FRYL: variants seen among roughly 807,000 people sequenced by gnomAD.
FRYL encodes the protein FRY like transcription coactivator.
FRYL carries 150 observed loss-of-function variants against 351.2 expected under a neutral mutation model. That is an observed-to-expected ratio of 0.43 (90% CI 0.37 to 0.49). The LOEUF is 0.49. Ranked by LOEUF, FRYL falls within the 20% of genes least tolerant of loss-of-function variation. The probability of loss-of-function intolerance (pLI) is 0.00; values close to 1 mark genes in which losing one functional copy is unlikely to be tolerated. For missense variants in FRYL, 3,036 were observed against 3,619.3 expected (o/e 0.84, Z 4.13); for synonymous variants, 1,153 against 1,257.1 (o/e 0.92, Z 1.75).
intron 2 of FRYL, among the ~76,000 whole-genome samples, chr4:48,702,760 C>CAA (rs34250320): frequency 9.7e-4 from 9 of 9,322 alleles, no homozygotes; most frequent in African/African-American, 2.5e-3. Flanking sequence ...GACTCCGTCT[C>CAA]AAAAAAAAAA....
At chr4:48,772,915 T>G (rs1340958608) in intron 1 of FRYL, among the ~76,000 whole-genome samples, 2 of 152,212 alleles carry the variant, frequency 1.3e-5, no homozygotes, top group Admixed American at 6.5e-5. Flanking sequence ...AATAGAGGTG[T>G]ATCTTACAAC....
chr4:48,612,525 T>TGA (rs1553949887), intron 7 of FRYL, among the ~76,000 whole-genome samples: 12 of 151,790 alleles, frequency 7.9e-5, no homozygotes, highest in African/African-American at 1.2e-4. Context: ...TGTGTGTGTG[T>TGA]GACACCACAT....
chr4:48,541,409 T>C (rs1487101022), intron 45 of FRYL, among the ~76,000 whole-genome samples: 1 of 152,180 alleles, frequency 6.6e-6, no homozygotes, highest in African/African-American at 2.4e-5. Context: ...AAGAAAATAT[T>C]GACTGAATGC....
chr4:48,706,334 G>A (rs371642263), intron 2 of FRYL, among the ~76,000 whole-genome samples: 2 of 152,224 alleles, frequency 1.3e-5, no homozygotes, highest in Admixed American at 6.5e-5. Context: ...ATTCTAACAC[G>A]TACTATAACA....
intron 50 of FRYL, among the ~76,000 whole-genome samples, chr4:48,528,933 T>C (rs1009763723): frequency 6.6e-6 from 1 of 152,178 alleles, no homozygotes; most frequent in Non-Finnish European, 1.5e-5. Flanking sequence ...TGTTTTAAAT[T>C]TGCATTTGAA....
At chr4:48,617,013 A>G (rs1339722589) in intron 7 of FRYL, among the ~76,000 whole-genome samples, 1 of 152,226 alleles carries the variant, frequency 6.6e-6, no homozygotes, top group Non-Finnish European at 1.5e-5. Context: ...GAGAAGCTAC[A>G]AAGACTTGCC....
At chr4:48,654,370 C>T (rs571376893) in intron 3 of FRYL, among the ~76,000 whole-genome samples, 1 of 151,720 alleles carries the variant, frequency 6.6e-6, no homozygotes, top group East Asian at 1.9e-4. Flanking sequence ...CATCAGTTTC[C>T]TCTAGGTTAT....
At chr4:48,506,436 TAAAAC>T (rs952002407) in intron 59 of FRYL, 4 of 151,308 alleles carry the variant, frequency 2.6e-5, no homozygotes, top group African/African-American at 9.7e-5. Flanking sequence ...AAAATATAAA[TAAAAC>T]AATAGCACCG....
intron 3 of FRYL, chr4:48,681,120 A>C (rs1764542402): frequency 8.1e-7 from 1 of 1,242,162 alleles, no homozygotes; most frequent in South Asian, 1.4e-5. Flanking sequence ...TCTTTAAAAA[A>C]TCCATTTTAA....
At chr4:48,578,072 T>C (rs891154481) in intron 23 of FRYL, among the ~76,000 whole-genome samples, 1 of 151,462 alleles carries the variant, frequency 6.6e-6, no homozygotes, top group African/African-American at 2.4e-5. Flanking sequence ...ATTTGAACTA[T>C]ATTAGATACG....
At chr4:48,779,462 G>C (rs1322795892) in intron 1 of FRYL, among the ~76,000 whole-genome samples, 2 of 152,222 alleles carry the variant, frequency 1.3e-5, no homozygotes, top group Admixed American at 6.5e-5. Flanking sequence ...TGGGCGGAGA[G>C]ACCAGAGCAA....
intron 2 of FRYL, among the ~76,000 whole-genome samples, chr4:48,699,842 T>G (rs1191294456): frequency 1.3e-5 from 2 of 152,208 alleles, no homozygotes; most frequent in Non-Finnish European, 2.9e-5. Flanking sequence ...TTTTGAATAT[T>G]GTCTACAGAT....
At chr4:48,667,036 T>A (rs1043926152) in intron 3 of FRYL, among the ~76,000 whole-genome samples, 3 of 152,378 alleles carry the variant, frequency 2.0e-5, no homozygotes, top group African/African-American at 7.2e-5. Context: ...ATCCTCATCC[T>A]GATTGCCATC....
intron 23 of FRYL, 120 bp downstream of exon 23, chr4:48,578,853 G>A: frequency 1.3e-6 from 1 of 766,710 alleles, no homozygotes; most frequent in East Asian, 2.7e-5. Flanking sequence ...AGACATCAAT[G>A]CAGTATCACA....
intron 1 of FRYL, among the ~76,000 whole-genome samples, chr4:48,775,270 T>C (rs1281324404): frequency 6.6e-6 from 1 of 152,230 alleles, no homozygotes; most frequent in African/African-American, 2.4e-5. Context: ...GCACTTCATC[T>C]AAGCTACCTT....
rs1292165891 is a variant in FRYL at position 48,731,865 on chromosome 4, T to C, written c.-383-21167A>G. On this transcript the variant is annotated intron_variant, in intron 1 of 63. Transcript: ENST00000358350. ...AACCTGGGCAATACCATTCAGGACA[T>C]AGGCATGGGCAAAATGTCTAAAACT... Among the ~76,000 whole-genome samples the C allele has an allele frequency of 9.2e-5, 14 of 152,126 alleles. No homozygotes were observed. The East Asian group carries it at 9.6e-4, about 10-fold the overall frequency.
chr4:48,730,493 G>A (rs1196070618), intron 1 of FRYL, among the ~76,000 whole-genome samples: 3 of 152,132 alleles, frequency 2.0e-5, no homozygotes, highest in Non-Finnish European at 4.4e-5. Context: ...GAAAGGCTGG[G>A]TTACCCACAA....
chr4:48,740,019 T>C (rs548187110), intron 1 of FRYL, among the ~76,000 whole-genome samples: 2 of 152,294 alleles, frequency 1.3e-5, no homozygotes, highest in South Asian at 2.1e-4. Context: ...TCCCTCAACC[T>C]TGGACTTCTC....
At chr4:48,630,296 G>A (rs374368516) in intron 4 of FRYL, among the ~76,000 whole-genome samples, 5 of 152,144 alleles carry the variant, frequency 3.3e-5, no homozygotes, top group African/African-American at 1.2e-4. Flanking sequence ...GTGAGGAGAA[G>A]GTAAAACCAG....
Sources: gnomAD v4.1 joint callset for allele counts (sites outside exome capture counted in the v4.1 genomes callset) on GRCh38, gnomAD v4.1.1 for gene constraint, MANE v1.5 for transcripts, NCBI Gene and HGNC (gene_info 2026-07-23, HGNC 2026-07-21) for gene names.